Variants in KLHL4 observed in about 807,000 individuals in gnomAD.
KLHL4 encodes kelch-like protein 4.
A neutral mutation model predicts 45.8 loss-of-function variants in KLHL4; 17 were observed. The observed-to-expected ratio is 0.37, with a 90% confidence interval of 0.25 to 0.56. The LOEUF (loss-of-function observed/expected upper bound fraction) is 0.56. Among genes scored for constraint, KLHL4 ranks in the 20% least tolerant of loss-of-function variants. KLHL4 has a pLI of 0.79. For synonymous variants in KLHL4, 224 were observed against 189.9 expected (o/e 1.18, Z -1.47); for missense variants, 544 against 544.9 (o/e 1.00, Z 0.02).
chrX:87,629,774 A>AC (rs1031395322), intron 6 of KLHL4, among the ~76,000 whole-genome samples: 57 of 111,867 alleles, frequency 5.1e-4, no homozygotes, highest in Non-Finnish European at 9.8e-4. Flanking sequence ...GAATTGGAAA[A>AC]CATTCAGAGA....
chrX:87,639,782 G>A (rs761641965), intron 9 of KLHL4, among the ~76,000 whole-genome samples: 1 of 110,038 alleles, frequency 9.1e-6, no homozygotes, highest in African/African-American at 3.3e-5. Context: ...AGACAATCTA[G>A]GGTTACACGT....
chrX:87,561,069 C>G lies in KLHL4; in HGVS notation c.422+42754C>G, dbSNP rs1378389521. Among the ~76,000 whole-genome samples, 5 of 111,289 alleles carry G rather than the reference C, an allele frequency of 4.5e-5. No individual in the cohort carries two copies. The East Asian group carries it at 1.4e-3, about 32-fold the overall frequency. On this transcript the variant is annotated intron_variant, in intron 1 of 10. Transcript: ENST00000373119. ...ACTGCTAGAAAAAAACATAGGGAAA[C>G]TGATTCAGGACATTGGTGTTGGCAA...
intron 1 of KLHL4, among the ~76,000 whole-genome samples, chrX:87,560,809 AT>A (rs746555766): frequency 1.8e-5 from 2 of 111,808 alleles, no homozygotes; most frequent in African/African-American, 3.2e-5. Context: ...TCTTAACAAT[AT>A]TTTTATATGT....
chrX:87,560,137 C>A (rs1397487147), intron 1 of KLHL4, among the ~76,000 whole-genome samples: 3 of 111,606 alleles, frequency 2.7e-5, no homozygotes, highest in Non-Finnish European at 5.7e-5. Flanking sequence ...TGCCAACCAG[C>A]ATTTGGTTTT....
intron 1 of KLHL4, among the ~76,000 whole-genome samples, chrX:87,528,197 T>G (rs1328922112): frequency 9.0e-6 from 1 of 111,479 alleles, no homozygotes; most frequent in African/African-American, 3.3e-5. Flanking sequence ...GAGATAGATA[T>G]AATGAAAAAG....
At chrX:87,564,438 A>G (rs1932166504) in intron 1 of KLHL4, among the ~76,000 whole-genome samples, 1 of 111,387 alleles carries the variant, frequency 9.0e-6, no homozygotes, top group South Asian at 3.8e-4. Flanking sequence ...AAATAAACCT[A>G]AAGATTCACT....
intron 6 of KLHL4, among the ~76,000 whole-genome samples, chrX:87,626,181 C>G (rs372528265): frequency 5.4e-5 from 6 of 111,349 alleles, no homozygotes; most frequent in Admixed American, 1.9e-4. Context: ...CCCAGGGGGT[C>G]AGGGTACATC....
At chrX:87,553,751 T>C (rs1413589383) in intron 1 of KLHL4, among the ~76,000 whole-genome samples, 1 of 111,429 alleles carries the variant, frequency 9.0e-6, no homozygotes, top group East Asian at 2.8e-4. Flanking sequence ...TAATACAAAG[T>C]TGTCAAATGA....
chrX:87,557,725 G>A (rs1039047589), intron 1 of KLHL4, among the ~76,000 whole-genome samples: 6 of 69,594 alleles, frequency 8.6e-5, no homozygotes, highest in African/African-American at 1.2e-4. Context: ...TGATAGATAC[G>A]GTTTTAAAAG....
chrX:87,589,626 A>G (rs1432314283), intron 1 of KLHL4, among the ~76,000 whole-genome samples: 6 of 111,134 alleles, frequency 5.4e-5, no homozygotes, highest in Admixed American at 9.5e-5. Flanking sequence ...GAACTCATGG[A>G]CATAGAGAGT....
chrX:87,528,193 G>C (rs1230645411), intron 1 of KLHL4, among the ~76,000 whole-genome samples: 3 of 111,765 alleles, frequency 2.7e-5, no homozygotes, highest in Non-Finnish European at 3.8e-5. Flanking sequence ...CAAAGAGATA[G>C]ATATAATGAA....
At chrX:87,533,720 T>C (rs1423387253) in intron 1 of KLHL4, among the ~76,000 whole-genome samples, 3 of 110,650 alleles carry the variant, frequency 2.7e-5, no homozygotes, top group African/African-American at 6.6e-5. Context: ...TAAAATAAAA[T>C]AAAAATTCAT....
At chrX:87,653,461 T>C (rs1001464900) in intron 9 of KLHL4, among the ~76,000 whole-genome samples, 4 of 111,706 alleles carry the variant, frequency 3.6e-5, no homozygotes, top group Non-Finnish European at 7.5e-5. Flanking sequence ...TGGCAATTAT[T>C]AGAAAGTCAA....
intron 1 of KLHL4, among the ~76,000 whole-genome samples, chrX:87,581,863 G>T (rs1602427716): frequency 8.9e-6 from 1 of 112,004 alleles, no homozygotes; most frequent in Non-Finnish European, 1.9e-5. Flanking sequence ...GGCTGAGATG[G>T]CTGAAATGAC....
chrX:87,563,043 TCA>T (rs1932134347), intron 1 of KLHL4, among the ~76,000 whole-genome samples: 1 of 110,877 alleles, frequency 9.0e-6, no homozygotes, highest in Non-Finnish European at 1.9e-5. Flanking sequence ...AGTCTGCGAG[TCA>T]CAGTTACTGA....
chrX:87,525,773 G>T, intron 1 of KLHL4, among the ~76,000 whole-genome samples: 1 of 111,511 alleles, frequency 9.0e-6, no homozygotes, highest in South Asian at 3.7e-4. Flanking sequence ...CACTGAAAGA[G>T]ACCAAATATC....
chrX:87,552,026 G>A (rs181807419), intron 1 of KLHL4, among the ~76,000 whole-genome samples: 1 of 111,172 alleles, frequency 9.0e-6, no homozygotes, highest in Non-Finnish European at 1.9e-5. Flanking sequence ...AAAAGCAAAT[G>A]CAATAAAAAC....
intron 1 of KLHL4, among the ~76,000 whole-genome samples, chrX:87,535,955 G>T (rs1273189602): frequency 3.6e-5 from 4 of 109,888 alleles, no homozygotes; most frequent in Non-Finnish European, 7.6e-5. Flanking sequence ...TGATTGTTAA[G>T]TTTTTTGAGG....
chrX:87,653,432 C>A (rs1569363004), intron 9 of KLHL4, among the ~76,000 whole-genome samples: 1 of 111,585 alleles, frequency 9.0e-6, no homozygotes, highest in Non-Finnish European at 1.9e-5. Flanking sequence ...AATGAGATAC[C>A]ATCTCATGCC....
Sources: allele counts gnomAD v4.1 joint callset (sites outside exome capture counted in the v4.1 genomes callset), GRCh38; gene constraint gnomAD v4.1.1; transcripts MANE v1.5; gene names NCBI Gene and HGNC (gene_info 2026-07-23, HGNC 2026-07-21).